The following ADAMTS19 variants were observed in gnomAD, a reference collection of about 807,000 sequenced individuals.
ADAMTS19 encodes the protein A disintegrin and metalloproteinase with thrombospondin motifs 19.
Under a neutral mutation model 153.3 loss-of-function variants are expected in ADAMTS19, and 93 were observed. The observed-to-expected ratio is 0.61, with a 90% CI of 0.51 to 0.72. The LOEUF (loss-of-function observed/expected upper bound fraction) is 0.72, where lower values mean the gene tolerates loss of function less well. Ranked by LOEUF, ADAMTS19 falls within the 30% of genes least tolerant of loss-of-function variation. The pLI, the probability that ADAMTS19 is intolerant of heterozygous loss-of-function variation, is 0.00. For missense variants in ADAMTS19, 1,482 were observed against 1,552.1 expected, an observed-to-expected ratio of 0.95 and a Z score of 0.76; for synonymous variants, 600 against 556.6, an observed-to-expected ratio of 1.08 and a Z score of -1.10.
intron 6 of ADAMTS19, among the ~76,000 whole-genome samples, chr5:129,543,095 G>A (rs1465861329): frequency 1.3e-5 from 2 of 151,020 alleles, no homozygotes; most frequent in Non-Finnish European, 2.9e-5. Flanking sequence ...TGTTGCCCAG[G>A]CTGGAGTGCA....
chr5:129,583,559 G>A (rs2126890846), intron 7 of ADAMTS19, among the ~76,000 whole-genome samples: 1 of 152,144 alleles, frequency 6.6e-6, no homozygotes, highest in South Asian at 2.1e-4. Flanking sequence ...ATCAAATGTA[G>A]ATTTGGTCTT....
intron 16 of ADAMTS19, 42 bp downstream of exon 16, chr5:129,665,621 C>T (rs763971609): frequency 6.8e-7 from 1 of 1,472,792 alleles, no homozygotes; most frequent in East Asian, 2.3e-5. Flanking sequence ...AAGTACGAGC[C>T]CAACTCCCTG....
chr5:129,524,959 G>A (rs1441583747), intron 3 of ADAMTS19, among the ~76,000 whole-genome samples: 3 of 152,180 alleles, frequency 2.0e-5, no homozygotes, highest in Middle Eastern at 3.4e-3. Context: ...TCAGTATTAT[G>A]TGGATGAACC....
At chr5:129,587,597 C>A (rs1366312486) in intron 7 of ADAMTS19, among the ~76,000 whole-genome samples, 1 of 152,172 alleles carries the variant, frequency 6.6e-6, no homozygotes, top group Non-Finnish European at 1.5e-5. Flanking sequence ...CACAAGTTCA[C>A]ATGGAGATTC....
At chr5:129,649,096 C>A in intron 13 of ADAMTS19, 126 bp downstream of exon 13, 1 of 907,200 alleles carries the variant, frequency 1.1e-6, no homozygotes, top group Non-Finnish European at 1.7e-6. Flanking sequence ...TTTTTTCTAC[C>A]TGTATGGACA....
In ADAMTS19 at chr5:129,527,864, A is replaced by G. The variant is rs1242758064; in HGVS notation, c.1170+33A>G. 4 of 1,342,096 alleles carry G rather than the reference A, an allele frequency of 3.0e-6. No individual in the cohort carries two copies. The African/African-American group carries it at 5.8e-5, about 19-fold the overall frequency. The allele number at this position is 1,342,096 out of a possible 1,614,324, so 83.1% of individuals were successfully genotyped here. ...AGTCTTGAGTTTTTTATTAAATTAA[A>G]TGGGGGAGAAATTTTGTTCAGAAAC... On this transcript the variant is annotated intron_variant, in intron 5 of 22. Coordinates refer to ENST00000274487, the MANE Select transcript of ADAMTS19 (RefSeq NM_133638.6).
intron 21 of ADAMTS19, among the ~76,000 whole-genome samples, chr5:129,706,733 C>A (rs1202096310): frequency 6.6e-6 from 1 of 152,124 alleles, no homozygotes; most frequent in East Asian, 1.9e-4. Context: ...ATACGGCTAG[C>A]AAATCCTATT....
At chr5:129,634,183 T>C (rs571314742) in intron 10 of ADAMTS19, among the ~76,000 whole-genome samples, 3 of 152,206 alleles carry the variant, frequency 2.0e-5, no homozygotes, top group African/African-American at 7.2e-5. Context: ...ATCACTTTCA[T>C]AATTGCCATG....
At chr5:129,643,382 A>AAAAAAAAAAAAAAAAAAAG (rs1554101887) in intron 11 of ADAMTS19, among the ~76,000 whole-genome samples, 4 of 142,724 alleles carry the variant, frequency 2.8e-5, no homozygotes, top group Non-Finnish European at 3.0e-5. Flanking sequence ...AAAAAAAAAA[A>AAAAAAAAAAAAAAAAAAAG]AAAAGAAAAA....
chr5:129,521,747 G>A (rs1040768423), intron 3 of ADAMTS19, among the ~76,000 whole-genome samples: 1 of 152,128 alleles, frequency 6.6e-6, no homozygotes, highest in African/African-American at 2.4e-5. Context: ...CAAATTCCAT[G>A]TTTTACTACT....
At chr5:129,666,632 T>C (rs1046515150) in intron 16 of ADAMTS19, among the ~76,000 whole-genome samples, 3 of 152,178 alleles carry the variant, frequency 2.0e-5, no homozygotes, top group African/African-American at 7.2e-5. Flanking sequence ...AAAGGAATTC[T>C]TTATCATGTG....
At chr5:129,551,687 TTTAA>T (rs1484061720) in intron 6 of ADAMTS19, among the ~76,000 whole-genome samples, 173 bp from the exon 7 acceptor site, 3 of 151,930 alleles carry the variant, frequency 2.0e-5, no homozygotes, top group African/African-American at 7.2e-5. Context: ...TGCTATAAAA[TTTAA>T]TTAATCTTCC....
chr5:129,622,590 T>C (rs1305772635), intron 10 of ADAMTS19, among the ~76,000 whole-genome samples: 1 of 152,196 alleles, frequency 6.6e-6, no homozygotes, highest in Non-Finnish European at 1.5e-5. Flanking sequence ...GAAAATTACA[T>C]TGATATCAGG....
chr5:129,493,891 G>C (rs769574610), intron 2 of ADAMTS19, among the ~76,000 whole-genome samples: 1 of 151,990 alleles, frequency 6.6e-6, no homozygotes, highest in Non-Finnish European at 1.5e-5. Context: ...CAAGATGGAA[G>C]ACAGAGATGA....
chr5:129,571,982 G>C (rs978505648), intron 7 of ADAMTS19, among the ~76,000 whole-genome samples: 1 of 151,786 alleles, frequency 6.6e-6, no homozygotes, highest in African/African-American at 2.4e-5. Flanking sequence ...TTATACAAAA[G>C]TTAATACAAA....
chr5:129,657,570 T>G (rs1309522365), intron 14 of ADAMTS19, among the ~76,000 whole-genome samples: 2 of 152,192 alleles, frequency 1.3e-5, no homozygotes, highest in African/African-American at 2.4e-5. Context: ...GATTTGGCCT[T>G]AGAAGATTCC....
At chr5:129,624,426 G>A (rs1016626422) in intron 10 of ADAMTS19, among the ~76,000 whole-genome samples, 2 of 152,062 alleles carry the variant, frequency 1.3e-5, no homozygotes, top group African/African-American at 4.8e-5. Flanking sequence ...AAGATTTTGA[G>A]GTACAAAGGT....
intron 13 of ADAMTS19, among the ~76,000 whole-genome samples, chr5:129,650,963 C>T (rs1753292910): frequency 1.3e-5 from 2 of 152,124 alleles, no homozygotes; most frequent in South Asian, 4.1e-4. Flanking sequence ...TAAATAGTTT[C>T]CCATCCTCTT....
At chr5:129,495,729 T>C (rs1228356336) in intron 2 of ADAMTS19, among the ~76,000 whole-genome samples, 1 of 152,132 alleles carries the variant, frequency 6.6e-6, no homozygotes, top group Non-Finnish European at 1.5e-5. Flanking sequence ...TTTCTTTTGA[T>C]GTTCTTCTGT....
Sources: gnomAD v4.1 joint callset for allele counts (sites outside exome capture counted in the v4.1 genomes callset) on GRCh38, gnomAD v4.1.1 for gene constraint, MANE v1.5 for transcripts, NCBI Gene and HGNC (gene_info 2026-07-23, HGNC 2026-07-21) for gene names.